TSHZ2: variants seen among roughly 807,000 people sequenced by gnomAD.
TSHZ2 encodes teashirt homolog 2.
TSHZ2 carries 21 observed loss-of-function variants against 74.4 expected under a neutral mutation model. The ratio of observed to expected loss-of-function variants is 0.28; its 90% confidence interval spans 0.20 to 0.41. The LOEUF is 0.41. TSHZ2 is among the 10% of genes least tolerant of loss of function. The pLI is 1.00. For missense variants in TSHZ2, 1,244 were observed against 1,293.5 expected, an observed-to-expected ratio of 0.96 and a Z score of 0.59; for synonymous variants, 540 against 515.3, an observed-to-expected ratio of 1.05 and a Z score of -0.65.
At chr20:53,381,250 T>C (rs527346529) in intron 2 of TSHZ2, among the ~76,000 whole-genome samples, 1 of 152,220 alleles carries the variant, frequency 6.6e-6, no homozygotes, top group African/African-American at 2.4e-5. Flanking sequence ...ATCACTCACT[T>C]TAGCAGTTCT....
chr20:53,479,770 G>A lies in TSHZ2; in HGVS notation c.*9-7374G>A, dbSNP rs140696870. Among the ~76,000 whole-genome samples the A allele has an allele frequency of 7.2e-5, 11 of 152,340 alleles. No individual in the cohort carries two copies. In the East Asian group the frequency reaches 2.1e-3, roughly 29 times the overall value. ...ACAGTGTCTAGACACAACTTCAGTT[G>A]TCACAACTCAGGGGTAAAGCAGATG... On this transcript the variant is annotated intron_variant, in intron 2 of 2. Transcript: ENST00000371497.
chr20:53,012,195 GCATCCTAATTAC>G (rs1468140361), intron 1 of TSHZ2, among the ~76,000 whole-genome samples: 1 of 152,176 alleles, frequency 6.6e-6, no homozygotes, highest in Non-Finnish European at 1.5e-5. Context: ...CAGAGGTCTT[GCATCCTAATTAC>G]CAGCGAGGTC....
chr20:53,360,751 A>G (rs1981019983), intron 2 of TSHZ2, among the ~76,000 whole-genome samples: 2 of 152,224 alleles, frequency 1.3e-5, no homozygotes. Flanking sequence ...TATCTTATAC[A>G]AGGTACAGAG....
chr20:53,173,142 T>G (rs1045374091), intron 1 of TSHZ2, among the ~76,000 whole-genome samples: 1 of 152,064 alleles, frequency 6.6e-6, no homozygotes, highest in Non-Finnish European at 1.5e-5. Context: ...TTCAAGAAGC[T>G]TACAGTCTAG....
intron 2 of TSHZ2, among the ~76,000 whole-genome samples, chr20:53,260,983 T>C (rs543289856): frequency 6.6e-6 from 1 of 152,342 alleles, no homozygotes; most frequent in African/African-American, 2.4e-5. Context: ...GGCATAATTA[T>C]TCATATTATC....
chr20:53,138,377 CT>C (rs1487674288), intron 1 of TSHZ2, among the ~76,000 whole-genome samples: 2 of 147,242 alleles, frequency 1.4e-5, no homozygotes, highest in African/African-American at 2.5e-5. Context: ...GAGCAAGACT[CT>C]TGTCTCAAAA....
intron 2 of TSHZ2, among the ~76,000 whole-genome samples, chr20:53,449,446 C>T (rs1339434908): frequency 6.6e-6 from 1 of 152,170 alleles, no homozygotes; most frequent in Admixed American, 6.5e-5. Context: ...TGTCAGGCAC[C>T]GTTGAAGGCT....
At chr20:53,143,432 G>A (rs1987457900) in intron 1 of TSHZ2, among the ~76,000 whole-genome samples, 1 of 152,152 alleles carries the variant, frequency 6.6e-6, no homozygotes, top group Non-Finnish European at 1.5e-5. Flanking sequence ...GGTGGCTCAC[G>A]CCTTTAATCC....
intron 1 of TSHZ2, among the ~76,000 whole-genome samples, chr20:53,111,983 G>A (rs1374683040): frequency 1.3e-5 from 2 of 152,158 alleles, no homozygotes; most frequent in African/African-American, 4.8e-5. Flanking sequence ...AGATGCTGAG[G>A]GCACGTGTCT....
intron 2 of TSHZ2, among the ~76,000 whole-genome samples, chr20:53,347,353 C>T (rs1466152665): frequency 6.6e-6 from 1 of 152,134 alleles, no homozygotes; most frequent in Non-Finnish European, 1.5e-5. Context: ...TCACCACTGG[C>T]TGATAACCAC....
intron 1 of TSHZ2, among the ~76,000 whole-genome samples, chr20:53,096,927 C>A (rs868791733): frequency 5.2e-4 from 70 of 134,862 alleles, no homozygotes; most frequent in Middle Eastern, 3.9e-3. Flanking sequence ...AAAAACAAAA[C>A]AAAAACAAAA....
At chr20:53,243,378 A>G (rs1990116740) in intron 1 of TSHZ2, among the ~76,000 whole-genome samples, 2 of 152,198 alleles carry the variant, frequency 1.3e-5, no homozygotes, top group Admixed American at 1.3e-4. Flanking sequence ...TATGCTGAGC[A>G]GTACCTGACA....
intron 2 of TSHZ2, among the ~76,000 whole-genome samples, chr20:53,391,796 A>C (rs1488313657): frequency 1.3e-5 from 2 of 152,200 alleles, no homozygotes; most frequent in African/African-American, 4.8e-5. Flanking sequence ...TACAAAAATT[A>C]GACAGACGTG....
chr20:53,380,024 A>C (rs1019781334), intron 2 of TSHZ2, among the ~76,000 whole-genome samples: 5 of 152,214 alleles, frequency 3.3e-5, no homozygotes, highest in Non-Finnish European at 4.4e-5. Flanking sequence ...GGTTCTCAAA[A>C]TAGATGGTAT....
At chr20:53,080,705 T>A (rs1203969629) in intron 1 of TSHZ2, among the ~76,000 whole-genome samples, 1 of 152,130 alleles carries the variant, frequency 6.6e-6, no homozygotes, top group Non-Finnish European at 1.5e-5. Flanking sequence ...GGTGGTAATG[T>A]TCGCTCGCCC....
chr20:53,126,029 T>C (rs1986938966), intron 1 of TSHZ2, among the ~76,000 whole-genome samples: 1 of 152,232 alleles, frequency 6.6e-6, no homozygotes, highest in Non-Finnish European at 1.5e-5. Context: ...GTTTGTTGTG[T>C]TTTAAATGCA....
At chr20:53,313,514 A>G (rs1039172549) in intron 2 of TSHZ2, among the ~76,000 whole-genome samples, 7 of 152,188 alleles carry the variant, frequency 4.6e-5, no homozygotes, top group Non-Finnish European at 7.3e-5. Context: ...TGAGGTTTCC[A>G]CACTTTTGAG....
chr20:53,263,364 A>G (rs1990640218), intron 2 of TSHZ2, among the ~76,000 whole-genome samples: 1 of 152,200 alleles, frequency 6.6e-6, no homozygotes, highest in Non-Finnish European at 1.5e-5. Context: ...AACAGTGGAT[A>G]CCGGTGCCCA....
At chr20:53,245,551 C>T (rs1990181198) in intron 1 of TSHZ2, among the ~76,000 whole-genome samples, 1 of 152,196 alleles carries the variant, frequency 6.6e-6, no homozygotes, top group Non-Finnish European at 1.5e-5. Flanking sequence ...CTAAATATCT[C>T]TCTACTAATT....
Sources: gnomAD v4.1 joint callset for allele counts (sites outside exome capture counted in the v4.1 genomes callset) on GRCh38, gnomAD v4.1.1 for gene constraint, MANE v1.5 for transcripts, NCBI Gene and HGNC (gene_info 2026-07-23, HGNC 2026-07-21) for gene names.